Variants in SLC30A3 observed in about 807,000 individuals in gnomAD.
The protein encoded by SLC30A3 is solute carrier family 30 member 3.
SLC30A3 carries 20 observed loss-of-function variants against 35.6 expected under a neutral mutation model. The ratio of observed to expected loss-of-function variants is 0.56; its 90% confidence interval spans 0.39 to 0.82. SLC30A3 has a LOEUF of 0.82. SLC30A3 is among the 40% of genes least tolerant of loss of function. SLC30A3 has a pLI of 0.00. For missense variants in SLC30A3, 401 were observed against 530.6 expected, an observed-to-expected ratio of 0.76 and a Z score of 2.40; for synonymous variants, 217 against 224.7, an observed-to-expected ratio of 0.97 and a Z score of 0.31.
upstream of SLC30A3, among the ~76,000 whole-genome samples, chr2:27,264,481 C>T (rs950874012): frequency 1.3e-5 from 2 of 152,218 alleles, no homozygotes; most frequent in African/African-American, 4.8e-5. This position sits in a 1 kb window ranked among gnomAD's most constrained non-coding sequence, Gnocchi z 6.1. Context: ...CTGGCTGTTC[C>T]GGCGGGGGAG....
In SLC30A3 at chr2:27,258,991, C is replaced by T. The variant is rs1383706416; in HGVS notation, c.96-57G>A. On this transcript the variant is annotated intron_variant, in intron 1 of 7. Transcript: ENST00000233535. The surrounding 1 kb of genome is among the most constrained non-coding windows in gnomAD (Gnocchi z 4.0). ...TGGCCCACAGGCTGGCCTGCTCACTCCACGTCCTTAGTCCCCAGTGCTGGC... is the reference window on the plus strand; with the variant it reads ...TGGCCCACAGGCTGGCCTGCTCACTTCACGTCCTTAGTCCCCAGTGCTGGC... 2.1e-6 allele frequency: 3 copies of T among 1,412,420 alleles called. No homozygotes were observed. The African/African-American group carries it at 4.3e-5, about 20-fold the overall frequency. 87.5% of individuals were successfully genotyped at this position (1,412,420 alleles called of 1,614,324 possible).
chr2:27,263,346 C>A (rs746177363), upstream of SLC30A3: 6 of 466,164 alleles, frequency 1.3e-5, no homozygotes, highest in Non-Finnish European at 1.8e-5. Context: ...CACGACCAAC[C>A]TTCGCCCAAC....
At chr2:27,275,179 C>T in exon 1 of SLC30A3, 1 of 1,304,096 alleles carries the variant, frequency 7.7e-7, no homozygotes, top group South Asian at 1.2e-5. Context: ...AGCCATACCT[C>T]TCATCCGCCA....
intron 1 of SLC30A3, among the ~76,000 whole-genome samples, chr2:27,261,226 G>T (rs1313456750): frequency 6.6e-6 from 1 of 152,158 alleles, no homozygotes; most frequent in Non-Finnish European, 1.5e-5. Flanking sequence ...GAACATAAAG[G>T]GAGATACACT....
chr2:27,254,952 C>A lies in SLC30A3; in HGVS notation c.*360G>T. The A allele has an allele frequency of 1.3e-6, 1 of 776,812 alleles. No individual in the cohort carries two copies. Among genetic ancestry groups the A allele is most frequent in the Non-Finnish European group, 1.8e-6 (1 of 562,258 alleles). 48.1% of individuals were successfully genotyped at this position (776,812 alleles called of 1,614,324 possible). A position where few individuals can be genotyped will look rare whatever the true frequency, so the allele number is the denominator to read the frequency against. Reference sequence around the variant, plus strand: ...ACATAGACAGGCAGATGCCCCCAGCCAGCCAGCCTGCCACACAGACAAATG... The same window carrying A: ...ACATAGACAGGCAGATGCCCCCAGCAAGCCAGCCTGCCACACAGACAAATG... On this transcript the variant is annotated 3_prime_UTR_variant, in exon 8 of 8. Transcript: ENST00000233535.
At chr2:27,264,491 G>C (rs1677395731), upstream of SLC30A3, among the ~76,000 whole-genome samples, 1 of 152,236 alleles carries the variant, frequency 6.6e-6, no homozygotes, top group Admixed American at 6.5e-5. The surrounding 1 kb of genome is among the most constrained non-coding windows in gnomAD (Gnocchi z 6.1). Flanking sequence ...CGGCGGGGGA[G>C]AGTGTGGCTT....
Position 27,255,515 on chromosome 2 carries a change from G to C in SLC30A3, c.1019-55C>G. ...ATCCCGGGGGAGAAAGAACAGGCAG[G>C]GACTGAGATAAGGACAGGGAAAGGG... is the stretch of plus-strand genomic sequence containing the variant. On this transcript the variant is annotated intron_variant, in intron 7 of 7. Coordinates refer to ENST00000233535, the MANE Select transcript of SLC30A3 (RefSeq NM_003459.5). The surrounding 1 kb of genome is among the most constrained non-coding windows in gnomAD (Gnocchi z 5.2). 1 of 1,589,122 alleles carries C rather than the reference G, an allele frequency of 6.3e-7. No homozygotes were observed.
At position 27,253,950 on chromosome 2, in the gene SLC30A3, G is replaced by T. The variant is rs1026843784; in HGVS notation, c.*1362C>A. 2 of 152,176 alleles carry T rather than the reference G, an allele frequency of 1.3e-5. No homozygotes were observed. Among genetic ancestry groups the T allele is most frequent in the African/African-American group, 4.8e-5 (2 of 41,432 alleles). 9.4% of individuals were successfully genotyped at this position (152,176 alleles called of 1,614,324 possible). A position where few individuals can be genotyped will look rare whatever the true frequency, so the allele number is the denominator to read the frequency against. ...CAAAGGGCTGAGATTACAGGCACAG[G>T]CCACTATGTCCAGCTTGAGTTTGAT... On this transcript the variant is annotated 3_prime_UTR_variant, in exon 8 of 8. Transcript: ENST00000233535.
upstream of SLC30A3, among the ~76,000 whole-genome samples, chr2:27,266,288 T>C (rs1572487373): frequency 6.6e-6 from 1 of 152,312 alleles, no homozygotes; most frequent in African/African-American, 2.4e-5. Flanking sequence ...TGGGAATTAT[T>C]TGTTTCATCA....
intron 1 of SLC30A3, among the ~76,000 whole-genome samples, chr2:27,268,061 A>C (rs931237537): frequency 6.6e-6 from 1 of 151,912 alleles, no homozygotes; most frequent in African/African-American, 2.4e-5. Flanking sequence ...TATTTTACTC[A>C]TTTTGTTTAC....
chr2:27,257,520 G>GC lies in SLC30A3; in HGVS notation c.579-169dup. 2 of 685,626 alleles carry GC rather than the reference G, an allele frequency of 2.9e-6. No individual in the cohort carries two copies. The highest frequency in any genetic ancestry group is 5.5e-5 in the East Asian group (2 of 36,618). 42.5% of individuals were successfully genotyped at this position (685,626 alleles called of 1,614,324 possible). ...TGGGGGAAAGAATACCAGACTTGGT[G>GC]CCACACATGTGGATTCGGAAGCTGG... On this transcript the variant is annotated intron_variant, in intron 4 of 7. Coordinates refer to ENST00000233535, the MANE Select transcript of SLC30A3 (RefSeq NM_003459.5). The surrounding 1 kb of genome is among the most constrained non-coding windows in gnomAD (Gnocchi z 4.7).
At position 27,262,939 on chromosome 2, in the gene SLC30A3, G is replaced by C; in HGVS notation, c.-33C>G. ...GTGCCCCGACCGTCTAGGCCCCACC[G>C]AGGAAGAGAGAGGCCGGGCCGGCCC... On this transcript the variant is annotated 5_prime_UTR_variant, in exon 1 of 8. Coordinates refer to ENST00000233535, the MANE Select transcript of SLC30A3 (RefSeq NM_003459.5). The surrounding 1 kb of genome is among the most constrained non-coding windows in gnomAD (Gnocchi z 7.5). The C allele has an allele frequency of 6.6e-7, 1 of 1,505,492 alleles. No homozygotes were observed. Among genetic ancestry groups the C allele is most frequent in the Non-Finnish European group, 8.8e-7 (1 of 1,137,824 alleles). 93.3% of individuals were successfully genotyped at this position (1,505,492 alleles called of 1,614,324 possible). A position where few individuals can be genotyped will look rare whatever the true frequency, so the allele number is the denominator to read the frequency against.
At chr2:27,267,310 C>T (rs1461820441), upstream of SLC30A3, among the ~76,000 whole-genome samples, 3 of 152,188 alleles carry the variant, frequency 2.0e-5, no homozygotes, top group African/African-American at 7.2e-5. Flanking sequence ...CTATTCTCAA[C>T]CAAGCAGTTA....
intron 1 of SLC30A3, among the ~76,000 whole-genome samples, chr2:27,272,141 G>T (rs1225735813): frequency 1.3e-5 from 2 of 152,172 alleles, no homozygotes; most frequent in Non-Finnish European, 1.5e-5. Context: ...CAGGAAGTGT[G>T]TTAGGAACTG....
In SLC30A3 at chr2:27,256,844, C is replaced by A. The variant is rs774571952; in HGVS notation, c.827G>T (p.Cys276Phe). 1.2e-6 allele frequency: 2 copies of A among 1,606,554 alleles called. No homozygotes were observed. Among genetic ancestry groups the A allele is most frequent in the Non-Finnish European group, 1.7e-6 (2 of 1,178,432 alleles). ...DPISTFLFSICALGSTAPTLR... is the reference protein window; with the variant it reads ...DPISTFLFSIFALGSTAPTLR... Reference sequence around the variant, plus strand: ...GGTGGGAGCGGTGGATCCAAGGGCACAGATGGAGAAGAGGAAGGTGCTGAT... The same window carrying A: ...GGTGGGAGCGGTGGATCCAAGGGCAAAGATGGAGAAGAGGAAGGTGCTGAT... The change falls in exon 6 of 8, where the codon TGT becomes TTT. Residue 276 changes from cysteine (C) to phenylalanine (F), a missense_variant. Transcript: ENST00000233535.
Position 27,257,575 on chromosome 2 carries a change from G to T in SLC30A3, c.579-223C>A, listed in dbSNP as rs1437713969. The T allele has an allele frequency of 1.6e-6, 1 of 607,298 alleles. No homozygotes were observed. Among genetic ancestry groups the T allele is most frequent in the Non-Finnish European group, 2.9e-6 (1 of 342,328 alleles). 37.6% of individuals were successfully genotyped at this position (607,298 alleles called of 1,614,324 possible). A position where few individuals can be genotyped will look rare whatever the true frequency, so the allele number is the denominator to read the frequency against. On this transcript the variant is annotated intron_variant, in intron 4 of 7. Coordinates refer to ENST00000233535, the MANE Select transcript of SLC30A3 (RefSeq NM_003459.5). This position sits in a 1 kb window ranked among gnomAD's most constrained non-coding sequence, Gnocchi z 4.7. Reference sequence around the variant, plus strand: ...GTTACTTAAATAGATATGTGACTTGGGCAAGTCACCTGTTGGGATTGACTG... The same window carrying T: ...GTTACTTAAATAGATATGTGACTTGTGCAAGTCACCTGTTGGGATTGACTG...
In SLC30A3 at chr2:27,268,281, A is replaced by G. The variant is rs184135039; in HGVS notation, c.-158-4199T>C. On this transcript the variant is annotated intron_variant, in intron 1 of 5. Coordinates refer to the SLC30A3 transcript ENST00000424577. ...TCTATGAGGGAAGAAAAAGAGTTTGACCACTTATCATTGTATCCAAGGTAC... is the reference window on the plus strand; with the variant it reads ...TCTATGAGGGAAGAAAAAGAGTTTGGCCACTTATCATTGTATCCAAGGTAC... Among the ~76,000 whole-genome samples the G allele has an allele frequency of 9.8e-5, 15 of 152,312 alleles. No homozygotes were observed. The East Asian group carries it at 2.9e-3, about 29-fold the overall frequency.
At chr2:27,275,275 G>T in exon 1 of SLC30A3, 1 of 1,220,568 alleles carries the variant, frequency 8.2e-7, no homozygotes, top group Non-Finnish European at 1.1e-6. Context: ...GGGGCTCGGT[G>T]GGAATCCCTG....
rs1350640278 is a variant in SLC30A3 at position 27,258,937 on chromosome 2, G to A, written c.96-3C>T. 1.9e-6 allele frequency: 3 copies of A among 1,581,454 alleles called. No individual in the cohort carries two copies. The East Asian group carries it at 6.7e-5, about 36-fold the overall frequency. ...GCTCTGAGGGCTCTGTGAAGAGACTGAGGCAAGCAACATGGTTCAACCTGG... is the reference window on the plus strand; with the variant it reads ...GCTCTGAGGGCTCTGTGAAGAGACTAAGGCAAGCAACATGGTTCAACCTGG... On this transcript the variant is annotated splice_region_variant and splice_polypyrimidine_tract_variant and intron_variant, in intron 1 of 7. Transcript: ENST00000233535. The surrounding 1 kb of genome is among the most constrained non-coding windows in gnomAD (Gnocchi z 4.0).
Sources: gnomAD v4.1 joint callset for allele counts (sites outside exome capture counted in the v4.1 genomes callset) on GRCh38, gnomAD v4.1.1 for gene constraint, Gnocchi (gnomAD v3.1) non-coding constraint, MANE v1.5 for transcripts, NCBI Gene and HGNC (gene_info 2026-07-23, HGNC 2026-07-21) for gene names.